SREK1: variants seen among roughly 807,000 people sequenced by gnomAD.
SREK1 encodes splicing regulatory glutamic acid and lysine rich protein 1.
A neutral mutation model predicts 66.5 loss-of-function variants in SREK1; 13 were observed. The observed-to-expected ratio is 0.20, with a 90% confidence interval of 0.13 to 0.31. The LOEUF (loss-of-function observed/expected upper bound fraction) is 0.31, where lower values mean the gene tolerates loss of function less well. Among genes scored for constraint, SREK1 ranks in the 10% least tolerant of loss-of-function variants. The pLI is 1.00. For missense variants in SREK1, 607 were observed against 769.6 expected (o/e 0.79, Z 2.50); for synonymous variants, 265 against 263.5 (o/e 1.01, Z -0.05).
rs1265267161 is a variant in SREK1 at position 66,164,885 on chromosome 5, A to C, written c.989A>C (p.Gln330Pro). Residue 330 changes from glutamine (Q) to proline (P), a missense_variant, in exon 7 of 12, where the codon CAA becomes CCA. By Grantham distance (76) the Gln-to-Pro change is moderately conservative. Transcript: ENST00000334121. ...TCCCATTCTAGAAGGAAAAGATCAC[A>C]ATCAAAACACAGGTGAGAATTTCTG... ...SKSHSRRKRS[Q>P]SKHRSRSHNR... 1.9e-6 allele frequency: 3 copies of C among 1,613,746 alleles called. No homozygotes were observed. Among genetic ancestry groups the C allele is most frequent in the Non-Finnish European group, 2.5e-6 (3 of 1,179,672 alleles).
chr5:66,172,824 ATTTTTTTTT>A (rs762670649), intron 9 of SREK1, among the ~76,000 whole-genome samples: 81 of 118,230 alleles, frequency 6.9e-4, no homozygotes, highest in South Asian at 1.3e-3. Flanking sequence ...ATTTCTTTGA[ATTTTTTTTT>A]TTTTTTTTTT....
chr5:66,181,648 C>T lies in SREK1; in HGVS notation c.*2780C>T. 6.6e-6 allele frequency: 1 copy of T among 152,136 alleles called. No individual in the cohort carries two copies. The highest frequency in any genetic ancestry group is 1.5e-5 in the Non-Finnish European group (1 of 68,032). The allele number at this position is 152,136 out of a possible 1,614,324, so 9.4% of individuals were successfully genotyped here. A position where few individuals can be genotyped will look rare whatever the true frequency, so the allele number is the denominator to read the frequency against. On this transcript the variant is annotated 3_prime_UTR_variant, in exon 12 of 12. Transcript: ENST00000334121. ...AGTATCATAAGATGGTGCATCAGTT[C>T]ATAAGCTAGTGCATAAGTTTTGTGT...
In SREK1 at chr5:66,179,003, G is replaced by A. The variant is rs774046219; in HGVS notation, c.*135G>A. 4.7e-5 allele frequency: 47 copies of A among 996,202 alleles called. No individual in the cohort carries two copies. The highest frequency in any genetic ancestry group is 6.5e-5 in the Admixed American group (2 of 30,550). The allele number at this position is 996,202 out of a possible 1,614,324, so 61.7% of individuals were successfully genotyped here. On this transcript the variant is annotated 3_prime_UTR_variant, in exon 12 of 12. Transcript: ENST00000334121. Reference sequence around the variant, plus strand: ...CTAACAGCTTTTCCAGTTGTTAGATGACTTTGTGGCCATCTTGTTATTGAG... The same window carrying A: ...CTAACAGCTTTTCCAGTTGTTAGATAACTTTGTGGCCATCTTGTTATTGAG...
At position 66,164,720 on chromosome 5, in the gene SREK1, G is replaced by C. The variant is rs1745035088; in HGVS notation, c.887-63G>C. ...TATGTGGTACATTCCACTTGTGCCT[G>C]ATTATTAACTGGGATCTTTAATTGT... On this transcript the variant is annotated intron_variant, in intron 6 of 11. Transcript: ENST00000334121. 7 of 1,612,412 alleles carry C rather than the reference G, an allele frequency of 4.3e-6. No individual in the cohort carries two copies. In the South Asian group the frequency reaches 5.5e-5, roughly 13 times the overall value.
chr5:66,144,776 T>C, intron 1 of SREK1: 1 of 1,223,798 alleles, frequency 8.2e-7, no homozygotes, highest in East Asian at 3.6e-5. Flanking sequence ...GGTTGCCCTT[T>C]CTGTGCCTCC....
chr5:66,145,595 T>A (rs977713795), intron 1 of SREK1, among the ~76,000 whole-genome samples: 17 of 152,116 alleles, frequency 1.1e-4, no homozygotes, highest in African/African-American at 3.9e-4. Context: ...ATTTAAAATT[T>A]ACTTTTTAAG....
chr5:66,149,597 A>G (rs1339743307), intron 1 of SREK1, among the ~76,000 whole-genome samples: 1 of 152,180 alleles, frequency 6.6e-6, no homozygotes, highest in East Asian at 1.9e-4. Context: ...GTATTTGGAA[A>G]TGTGGTTTTA....
intron 10 of SREK1, chr5:66,177,308 T>A (rs1746139169): frequency 2.4e-6 from 1 of 421,582 alleles, no homozygotes; most frequent in Non-Finnish European, 4.2e-6. Flanking sequence ...AAATGACTTG[T>A]GTATCCTTAA....
chr5:66,169,793 T>A (rs1188375376), intron 7 of SREK1: 3 of 233,398 alleles, frequency 1.3e-5, no homozygotes, highest in African/African-American at 6.9e-5. Context: ...CTATACTGAT[T>A]TGAGGCATAA....
chr5:66,173,945 C>G (rs184259022), intron 9 of SREK1, among the ~76,000 whole-genome samples: 1 of 152,192 alleles, frequency 6.6e-6, no homozygotes, highest in East Asian at 1.9e-4. Context: ...TCTCAGAGTT[C>G]TTGAGCTTTG....
intron 1 of SREK1, among the ~76,000 whole-genome samples, chr5:66,151,720 G>A (rs1450788481): frequency 6.6e-6 from 1 of 151,224 alleles, no homozygotes; most frequent in African/African-American, 2.4e-5. Flanking sequence ...CAGTACACAA[G>A]TTGCTTTGAC....
intron 7 of SREK1, chr5:66,168,194 T>TAAATGGAAA: frequency 6.6e-6 from 1 of 152,198 alleles, no homozygotes; most frequent in Non-Finnish European, 1.5e-5. Flanking sequence ...ATGAGTAGTT[T>TAAATGGAAA]AAATGGAAAT....
chr5:66,167,969 T>TCCTTAACTTTCATGGCTCTTAAGTACTA (rs1745310293), intron 7 of SREK1: 1 of 152,224 alleles, frequency 6.6e-6, no homozygotes, highest in African/African-American at 2.4e-5. Flanking sequence ...TAACATCTAC[T>TCCTTAACTTTCATGGCTCTTAAGTACTA]CCTTAACTTT....
At chr5:66,164,129 T>C (rs1744979752) in intron 6 of SREK1, 5 of 517,166 alleles carry the variant, frequency 9.7e-6, no homozygotes, top group Admixed American at 7.6e-5. Context: ...TGAGGCACTT[T>C]AGTCTGAGCT....
intron 9 of SREK1, among the ~76,000 whole-genome samples, chr5:66,171,940 A>G (rs1745679231): frequency 6.6e-6 from 1 of 152,216 alleles, no homozygotes; most frequent in South Asian, 2.1e-4. Flanking sequence ...GACGCTCTGT[A>G]TGAGAAGTAT....
chr5:66,171,493 G>C (rs1745642855), intron 9 of SREK1, among the ~76,000 whole-genome samples: 1 of 152,104 alleles, frequency 6.6e-6, no homozygotes, highest in African/African-American at 2.4e-5. Flanking sequence ...CTACCACCAG[G>C]TGGCAGCAAG....
At chr5:66,171,898 T>G (rs1745674914) in intron 9 of SREK1, among the ~76,000 whole-genome samples, 1 of 152,180 alleles carries the variant, frequency 6.6e-6, no homozygotes, top group Non-Finnish European at 1.5e-5. Context: ...GAGAAGATTA[T>G]TATCATCACT....
intron 2 of SREK1, chr5:66,157,561 G>A (rs1437614074): frequency 1.0e-6 from 1 of 974,642 alleles, no homozygotes; most frequent in Admixed American, 6.2e-5. Flanking sequence ...AAATAGTATA[G>A]TGTATATGTG....
rs546365960 is a variant in SREK1, at chr5:66,155,670, C to A, written c.295+2074C>A. ...AGCATCATGACATAAGTGAGAAAAA[C>A]CATAGAAAAAAATTTAAGAAGTTTT... is the stretch of plus-strand genomic sequence containing the variant. On this transcript the variant is annotated intron_variant, in intron 2 of 11. Coordinates refer to ENST00000334121, the MANE Select transcript of SREK1 (RefSeq NM_001077199.3). 1.0e-3 allele frequency among the ~76,000 whole-genome samples: 158 copies of A among 152,262 alleles called. 2 individuals are homozygous for A. Among genetic ancestry groups the A allele is most frequent in the Middle Eastern group, 3.4e-3 (1 of 294 alleles).
Sources: allele counts gnomAD v4.1 joint callset (sites outside exome capture counted in the v4.1 genomes callset), GRCh38; gene constraint gnomAD v4.1.1; transcripts MANE v1.5; gene names NCBI Gene and HGNC (gene_info 2026-07-23, HGNC 2026-07-21).